PPA2: variants seen among roughly 807,000 people sequenced by gnomAD.
The protein encoded by PPA2 is inorganic pyrophosphatase 2, mitochondrial.
PPA2 carries 48 observed loss-of-function variants against 49.5 expected under a neutral mutation model. That is an observed-to-expected ratio of 0.97 (90% confidence interval 0.77 to 1.23). The LOEUF (loss-of-function observed/expected upper bound fraction) is 1.23. Ranked by LOEUF, PPA2 falls within the 50% of genes most tolerant of loss-of-function variation. The probability of loss-of-function intolerance (pLI) is 0.00; values close to 1 mark genes in which losing one functional copy is unlikely to be tolerated. For synonymous variants in PPA2, 131 were observed against 139.9 expected (o/e 0.94, Z 0.45); for missense variants, 429 against 410.1 (o/e 1.05, Z -0.40).
At chr4:105,420,965 A>G (rs1560622962) in intron 7 of PPA2, among the ~76,000 whole-genome samples, 1 of 152,246 alleles carries the variant, frequency 6.6e-6, no homozygotes, top group Non-Finnish European at 1.5e-5. Flanking sequence ...AGGAAAAACA[A>G]TTATACTTAA....
At position 105,424,209 on chromosome 4, in the gene PPA2, G is replaced by A. The variant is rs34136154; in HGVS notation, c.642C>T (p.Ala214=). 1.2e-6 allele frequency: 2 copies of A among 1,601,258 alleles called. No homozygotes were observed. Among genetic ancestry groups the A allele is most frequent in the Admixed American group, 3.5e-5 (2 of 56,412 alleles). The change falls in exon 7 of 12, where the codon GCC becomes GCT. Residue 214 remains alanine (A), a synonymous_variant. Transcript: ENST00000341695. ...LIAINANDPE[A]SKFHDIDDVK... is the part of the protein sequence containing the mutation. The stretch of plus-strand genomic sequence containing the variant: ...TAACAGTCTTACCATGAAACTTTGA[G>A]GCTTCAGGATCATTCGCATTGATAG...
chr4:105,463,437 T>C (rs1723174820), intron 1 of PPA2, among the ~76,000 whole-genome samples: 1 of 152,154 alleles, frequency 6.6e-6, no homozygotes, highest in Admixed American at 6.5e-5. Context: ...CATAAAAGTT[T>C]GGAAAATTTG....
At chr4:105,454,392 G>A (rs1466264225) in intron 2 of PPA2, among the ~76,000 whole-genome samples, 2 of 151,964 alleles carry the variant, frequency 1.3e-5, no homozygotes, top group Non-Finnish European at 2.9e-5. Flanking sequence ...GTGCAGTGGC[G>A]CAATCTTGGC....
At chr4:105,456,660 C>A (rs1722886829) in intron 2 of PPA2, 21 bp downstream of exon 2, 2 of 1,566,950 alleles carry the variant, frequency 1.3e-6, no homozygotes, top group African/African-American at 1.4e-5. Flanking sequence ...TTTTCATTCC[C>A]AAAACAAGTC....
intron 7 of PPA2, among the ~76,000 whole-genome samples, chr4:105,416,298 T>G (rs1723004470): frequency 6.6e-6 from 1 of 152,364 alleles, no homozygotes; most frequent in Non-Finnish European, 1.5e-5. Context: ...CTGAGAATTT[T>G]TTATTTTTAG....
intron 10 of PPA2, among the ~76,000 whole-genome samples, chr4:105,371,144 GAA>G (rs971129863): frequency 1.3e-5 from 2 of 152,158 alleles, no homozygotes; most frequent in Non-Finnish European, 2.9e-5. Context: ...CTAGGAATGA[GAA>G]GAGAGGTTTT....
rs781084676 is a variant in PPA2, at chr4:105,386,631, T to C, written c.875A>G (p.Asn292Ser). ...GAAAGGGCTATCAGATATCTGCACGTTTGTGCTGGAGAGGAAAAGAGAATG... is the reference window on the plus strand; with the variant it reads ...GAAAGGGCTATCAGATATCTGCACGCTTGTGCTGGAGAGGAAAAGAGAATG... The part of the protein sequence containing the change: ...KCNGGAINCT[N>S]VQISDSPFRC... Residue 292 changes from asparagine to serine, a missense_variant, in exon 10 of 12, where the codon AAC becomes AGC. By Grantham distance (46) the Asn-to-Ser change is conservative. Coordinates refer to ENST00000341695, the MANE Select transcript of PPA2 (RefSeq NM_176869.3). The C allele has an allele frequency of 6.2e-7, 1 of 1,611,824 alleles. No homozygotes were observed. The highest frequency in any genetic ancestry group is 1.7e-5 in the Admixed American group (1 of 59,948).
chr4:105,451,120 C>T (rs1477386496), intron 3 of PPA2, among the ~76,000 whole-genome samples: 1 of 152,174 alleles, frequency 6.6e-6, no homozygotes, highest in Non-Finnish European at 1.5e-5. Context: ...CGTCTCTCAT[C>T]TATCTGAATT....
intron 1 of PPA2, among the ~76,000 whole-genome samples, chr4:105,472,762 T>C (rs1723576557): frequency 6.6e-6 from 1 of 152,188 alleles, no homozygotes; most frequent in Non-Finnish European, 1.5e-5. Context: ...AAAATAATCC[T>C]CGACCCTAAA....
chr4:105,394,804 T>TG (rs1734072135), intron 9 of PPA2, among the ~76,000 whole-genome samples: 2 of 152,112 alleles, frequency 1.3e-5, no homozygotes, highest in Non-Finnish European at 2.9e-5. Context: ...TCAAGTCTCA[T>TG]CAAAGACTGC....
At chr4:105,474,063 G>A (rs775904288), upstream of PPA2, 11 of 1,543,462 alleles carry the variant, frequency 7.1e-6, no homozygotes, top group Non-Finnish European at 9.6e-6. Flanking sequence ...CGTCAATGAC[G>A]GTCCTGCTGT....
intron 7 of PPA2, among the ~76,000 whole-genome samples, chr4:105,407,306 A>G (rs1266268967): frequency 6.6e-6 from 1 of 152,226 alleles, no homozygotes; most frequent in Non-Finnish European, 1.5e-5. Context: ...CTTTCTTTAA[A>G]AAACATTTTG....
intron 7 of PPA2, chr4:105,405,521 A>C: frequency 3.2e-6 from 3 of 925,716 alleles, no homozygotes; most frequent in Non-Finnish European, 3.9e-6. Context: ...TATAAATAGA[A>C]TTACTTGAGT....
intron 2 of PPA2, among the ~76,000 whole-genome samples, chr4:105,454,466 G>C (rs1447573267): frequency 6.6e-6 from 1 of 152,036 alleles, no homozygotes; most frequent in East Asian, 1.9e-4. Context: ...GAGTAGCTGG[G>C]ACTACAGGCG....
chr4:105,454,520 A>T (rs1722804565), intron 2 of PPA2, among the ~76,000 whole-genome samples: 2 of 152,016 alleles, frequency 1.3e-5, no homozygotes, highest in African/African-American at 4.8e-5. Flanking sequence ...TTTTTAGTAG[A>T]GACAGGGTTT....
In PPA2 at chr4:105,370,891, G is replaced by T; in HGVS notation, c.940-18C>A. The T allele has an allele frequency of 6.8e-7, 1 of 1,465,586 alleles. No homozygotes were observed. Among genetic ancestry groups the T allele is most frequent in the Non-Finnish European group, 9.1e-7 (1 of 1,094,892 alleles). The allele number at this position is 1,465,586 out of a possible 1,614,324, so 90.8% of individuals were successfully genotyped here. On this transcript the variant is annotated intron_variant, in intron 10 of 11. Transcript: ENST00000341695. The stretch of plus-strand genomic sequence containing the variant: ...GATGATACCTGGAAATAAAAACAGA[G>T]AAAGAATCTCTGTTACAATAAATAT...
At chr4:105,433,784 C>G (rs2636744) in intron 6 of PPA2, among the ~76,000 whole-genome samples, 1 of 152,162 alleles carries the variant, frequency 6.6e-6, no homozygotes, top group Non-Finnish European at 1.5e-5. Context: ...AGTTTGGACT[C>G]TGGTTGCTTA....
At chr4:105,400,501 T>C in intron 7 of PPA2, among the ~76,000 whole-genome samples, 1 of 152,000 alleles carries the variant, frequency 6.6e-6, no homozygotes, top group South Asian at 2.1e-4. Context: ...GACATGGTGG[T>C]GATTGCCTAT....
chr4:105,402,367 GA>G (rs1344913690), intron 7 of PPA2, among the ~76,000 whole-genome samples: 1 of 152,214 alleles, frequency 6.6e-6, no homozygotes, highest in Non-Finnish European at 1.5e-5. Flanking sequence ...GGAAAGAAGA[GA>G]ATTGTAGATA....
Sources: allele counts gnomAD v4.1 joint callset (sites outside exome capture counted in the v4.1 genomes callset), GRCh38; gene constraint gnomAD v4.1.1; transcripts MANE v1.5; gene names NCBI Gene and HGNC (gene_info 2026-07-23, HGNC 2026-07-21).